Variants in REEP1 observed in about 807,000 individuals in gnomAD.
The protein encoded by REEP1 is receptor expression-enhancing protein 1.
A neutral mutation model predicts 40.3 loss-of-function variants in REEP1; 22 were observed. That is an observed-to-expected ratio of 0.55 (90% CI 0.39 to 0.78). The LOEUF is 0.78. REEP1 is among the 30% of genes least tolerant of loss of function. The probability of loss-of-function intolerance (pLI) is 0.00; values close to 1 mark genes in which losing one functional copy is unlikely to be tolerated. For synonymous variants in REEP1, 116 were observed against 139.2 expected, an observed-to-expected ratio of 0.83 and a Z score of 1.17; for missense variants, 280 against 361.1, an observed-to-expected ratio of 0.78 and a Z score of 1.82.
intron 4 of REEP1, among the ~76,000 whole-genome samples, chr2:86,252,783 T>C (rs1329891128): frequency 1.3e-5 from 2 of 152,176 alleles, no homozygotes; most frequent in African/African-American, 4.8e-5. Flanking sequence ...AGGGAGATTG[T>C]TTTACACATA....
rs554619370 is a variant in REEP1 at position 86,337,525 on chromosome 2, C to T, written c.-15G>A. 2.8e-4 allele frequency: 349 copies of T among 1,264,686 alleles called. 3 individuals carry two copies. In the African/African-American group the frequency reaches 4.7e-3, roughly 17 times the overall value. The allele number at this position is 1,264,686 out of a possible 1,614,324, so 78.3% of individuals were successfully genotyped here. ...CATGACACCATGGCGGGCAGGCGGG[C>T]GGGCGAGGCCCGGGCGGCGCGGCTC... On this transcript the variant is annotated 5_prime_UTR_variant, in exon 1 of 9. Transcript: ENST00000538924. The surrounding 1 kb of genome is among the most constrained non-coding windows in gnomAD (Gnocchi z 5.8).
intron 7 of REEP1, among the ~76,000 whole-genome samples, chr2:86,222,645 T>C (rs536675617): frequency 6.6e-6 from 1 of 152,328 alleles, no homozygotes; most frequent in African/African-American, 2.4e-5. Context: ...GTCTACACCT[T>C]GATGGTATGC....
intron 1 of REEP1, 54 bp from the exon 2 acceptor site, chr2:86,282,296 G>A: frequency 7.5e-7 from 1 of 1,337,134 alleles, no homozygotes; most frequent in Non-Finnish European, 1.1e-6. Flanking sequence ...CTTATTTAAT[G>A]GAAAATGTCT....
intron 1 of REEP1, among the ~76,000 whole-genome samples, chr2:86,291,989 G>A (rs566089030): frequency 1.3e-5 from 2 of 152,290 alleles, no homozygotes; most frequent in East Asian, 3.9e-4. Flanking sequence ...ACAAATGTCT[G>A]CCTAAATCTG....
intron 1 of REEP1, among the ~76,000 whole-genome samples, chr2:86,302,696 G>A (rs1189489711): frequency 6.6e-6 from 1 of 152,076 alleles, no homozygotes; most frequent in African/African-American, 2.4e-5. Context: ...GGGCAATAAA[G>A]TATTAATATA....
At chr2:86,241,214 GC>G (rs1348075225) in intron 5 of REEP1, among the ~76,000 whole-genome samples, 2 of 152,234 alleles carry the variant, frequency 1.3e-5, no homozygotes, top group Non-Finnish European at 2.9e-5. Context: ...AGAGGCAAAG[GC>G]CCTGCTGGAA....
At position 86,217,208 on chromosome 2, in the gene REEP1, C is replaced by T. The variant is rs2103945336; in HGVS notation, c.784-98G>A. On this transcript the variant is annotated intron_variant, in intron 8 of 8. Coordinates refer to ENST00000538924, the MANE Select transcript of REEP1 (RefSeq NM_001371279.1). Reference sequence around the variant, plus strand: ...GGCATTGTGTTGAGACTTCCAGCTCCTTTGGCCAAATGCAGCTGGCTAGGG... The same window carrying T: ...GGCATTGTGTTGAGACTTCCAGCTCTTTTGGCCAAATGCAGCTGGCTAGGG... 2.9e-6 allele frequency: 3 copies of T among 1,050,330 alleles called. No individual in the cohort carries two copies. In the East Asian group the frequency reaches 7.2e-5, roughly 25 times the overall value. The allele number at this position is 1,050,330 out of a possible 1,614,324, so 65.1% of individuals were successfully genotyped here.
intron 5 of REEP1, among the ~76,000 whole-genome samples, chr2:86,234,743 C>T (rs1251309881): frequency 2.0e-5 from 3 of 152,228 alleles, no homozygotes; most frequent in African/African-American, 7.2e-5. Context: ...GCCTCAGACA[C>T]TGCTCTAGAG....
chr2:86,293,919 A>G (rs376665748), intron 1 of REEP1, among the ~76,000 whole-genome samples: 1 of 152,228 alleles, frequency 6.6e-6, no homozygotes, highest in Non-Finnish European at 1.5e-5. Context: ...TCAACAGATG[A>G]ATAAATAATG....
chr2:86,257,488 G>C (rs541434757), intron 3 of REEP1, among the ~76,000 whole-genome samples: 1 of 152,048 alleles, frequency 6.6e-6, no homozygotes. Flanking sequence ...CATCATGCAG[G>C]TATATATGAC....
At chr2:86,281,266 G>A (rs1678068881) in intron 2 of REEP1, among the ~76,000 whole-genome samples, 1 of 152,140 alleles carries the variant, frequency 6.6e-6, no homozygotes, top group African/African-American at 2.4e-5. Context: ...CAGTAATTGA[G>A]ATTATCCTCT....
intron 1 of REEP1, among the ~76,000 whole-genome samples, chr2:86,295,382 T>A (rs1352270772): frequency 3.9e-5 from 6 of 152,250 alleles, no homozygotes; most frequent in Non-Finnish European, 2.9e-5. Context: ...ATACAGACCC[T>A]GTGTAAGGAA....
intron 3 of REEP1, among the ~76,000 whole-genome samples, chr2:86,258,120 A>G (rs1345103129): frequency 6.6e-6 from 1 of 152,262 alleles, no homozygotes; most frequent in Admixed American, 6.5e-5. Context: ...CTCCCTTTCC[A>G]GAGTCTTAGT....
chr2:86,246,511 C>T (rs754731836), intron 5 of REEP1, among the ~76,000 whole-genome samples: 1 of 152,062 alleles, frequency 6.6e-6, no homozygotes, highest in Non-Finnish European at 1.5e-5. Context: ...CATTATTTTT[C>T]GAGTTATGAG....
At chr2:86,316,389 C>CA (rs1235166643) in intron 1 of REEP1, among the ~76,000 whole-genome samples, 2 of 146,824 alleles carry the variant, frequency 1.4e-5, no homozygotes, top group East Asian at 2.0e-4. Context: ...AAATACAAAA[C>CA]AAAAAAAAAT....
rs369591109 is a variant in REEP1 at position 86,307,729 on chromosome 2, C to CA, written c.33-25488dup. Among the ~76,000 whole-genome samples, 669 of 122,202 alleles carry CA rather than the reference C, an allele frequency of 5.5e-3. 3 individuals carry two copies. Among genetic ancestry groups the CA allele is most frequent in the African/African-American group, 0.018 (591 of 32,910 alleles). 80.2% of individuals were successfully genotyped at this position (122,202 alleles called of 152,430 possible). A position where few individuals can be genotyped will look rare whatever the true frequency, so the allele number is the denominator to read the frequency against. ...TGGGCTACAGAGCAAGACTCCGTCT[C>CA]AAAAAAAAAAAGACAAGAAAAGAAA... On this transcript the variant is annotated intron_variant, in intron 1 of 8. Coordinates refer to ENST00000538924, the MANE Select transcript of REEP1 (RefSeq NM_001371279.1).
intron 5 of REEP1, among the ~76,000 whole-genome samples, chr2:86,236,080 G>T (rs1428787384): frequency 6.6e-6 from 1 of 152,110 alleles, no homozygotes; most frequent in Non-Finnish European, 1.5e-5. Context: ...GCCAGGCGTG[G>T]TGGTGCACGC....
At chr2:86,300,028 G>A (rs1195941863) in intron 1 of REEP1, among the ~76,000 whole-genome samples, 2 of 152,132 alleles carry the variant, frequency 1.3e-5, no homozygotes, top group Non-Finnish European at 2.9e-5. Context: ...GGCCAGGGGG[G>A]ACCATGAGAG....
chr2:86,235,545 A>T (rs1305626791), intron 5 of REEP1, among the ~76,000 whole-genome samples: 2 of 152,212 alleles, frequency 1.3e-5, no homozygotes, highest in African/African-American at 4.8e-5. Flanking sequence ...TAAGACACAA[A>T]GGTTGCTATT....
Sources: allele counts gnomAD v4.1 joint callset (sites outside exome capture counted in the v4.1 genomes callset), GRCh38; gene constraint gnomAD v4.1.1; non-coding constraint Gnocchi (gnomAD v3.1); transcripts MANE v1.5; gene names NCBI Gene and HGNC (gene_info 2026-07-23, HGNC 2026-07-21).